The following HTR2A variants were observed in gnomAD, a reference collection of about 807,000 sequenced individuals.
HTR2A encodes the protein 5-HT2 receptor.
HTR2A carries 14 observed loss-of-function variants against 31.0 expected under a neutral mutation model. That is an observed-to-expected ratio of 0.45 (90% CI 0.30 to 0.71). The LOEUF (loss-of-function observed/expected upper bound fraction) is 0.71, where lower values mean the gene tolerates loss of function less well. Among genes scored for constraint, HTR2A ranks in the 30% least tolerant of loss-of-function variants. HTR2A has a pLI of 0.09. For synonymous variants in HTR2A, 209 were observed against 225.2 expected (o/e 0.93, Z 0.64); for missense variants, 442 against 573.3 (o/e 0.77, Z 2.34).
intron 3 of HTR2A, among the ~76,000 whole-genome samples, chr13:46,850,770 G>A (rs2138199011): frequency 6.6e-6 from 1 of 152,282 alleles, no homozygotes; most frequent in South Asian, 2.1e-4. Context: ...TGGGAAGACT[G>A]GCTATAGAAA....
At chr13:46,852,569 A>G (rs1950695244) in intron 3 of HTR2A, among the ~76,000 whole-genome samples, 1 of 152,238 alleles carries the variant, frequency 6.6e-6, no homozygotes, top group Admixed American at 6.5e-5. Flanking sequence ...TTAACTTCTA[A>G]GCTTTCCTAT....
In HTR2A at chr13:46,832,927, G is replaced by A. The variant is rs1225509455; in HGVS notation, c.*1910C>T. On this transcript the variant is annotated 3_prime_UTR_variant, in exon 4 of 4. Coordinates refer to ENST00000542664, the MANE Select transcript of HTR2A (RefSeq NM_000621.5). ...ATAACAACATGCAATTTAACCTTGA[G>A]TGTTATAATATCAAGGTGGATTAAC... 1 of 152,064 alleles carries A rather than the reference G, an allele frequency of 6.6e-6. No individual in the cohort carries two copies. Among genetic ancestry groups the A allele is most frequent in the African/African-American group, 2.4e-5 (1 of 41,402 alleles). The allele number at this position is 152,064 out of a possible 1,614,324, so 9.4% of individuals were successfully genotyped here.
chr13:46,852,558 G>T (rs527405640), intron 3 of HTR2A, among the ~76,000 whole-genome samples: 1 of 152,258 alleles, frequency 6.6e-6, no homozygotes, highest in Non-Finnish European at 1.5e-5. Flanking sequence ...AGACTGATGT[G>T]TTAACTTCTA....
chr13:46,871,479 G>A (rs1048323883), intron 3 of HTR2A, among the ~76,000 whole-genome samples: 5 of 152,100 alleles, frequency 3.3e-5, no homozygotes, highest in Non-Finnish European at 5.9e-5. Context: ...TAACTAATCA[G>A]TTTTCTACCC....
intron 3 of HTR2A, among the ~76,000 whole-genome samples, chr13:46,887,797 G>C (rs890378862): frequency 6.6e-6 from 1 of 151,498 alleles, no homozygotes; most frequent in Non-Finnish European, 1.5e-5. Flanking sequence ...AATAAAAGGA[G>C]AAAAATGTAC....
At chr13:46,854,780 G>A (rs1471272374) in intron 3 of HTR2A, among the ~76,000 whole-genome samples, 1 of 152,140 alleles carries the variant, frequency 6.6e-6, no homozygotes, top group Admixed American at 6.5e-5. Context: ...CTTTGGCCAG[G>A]AAATCACAGA....
Position 46,835,545 on chromosome 13 carries a change from C to T in HTR2A, c.708G>A (p.Leu236=), listed in dbSNP as rs759261795. 1.8e-5 allele frequency: 29 copies of T among 1,613,898 alleles called. No homozygotes were observed. Among genetic ancestry groups the T allele is most frequent in the Non-Finnish European group, 2.2e-5 (26 of 1,179,928 alleles). ...SCLLADDNFV[L]IGSFVSFFIP... ...TGAAAAATGACACAAAAGAGCCGATCAGGACAAAGTTATCATCGGCGAGTA... is the reference window on the plus strand; with the variant it reads ...TGAAAAATGACACAAAAGAGCCGATTAGGACAAAGTTATCATCGGCGAGTA... Residue 236 remains leucine, a synonymous_variant, in exon 4 of 4, where the codon CTG becomes CTA. Coordinates refer to ENST00000542664, the MANE Select transcript of HTR2A (RefSeq NM_000621.5).
At chr13:46,878,427 CT>C (rs1358636645) in intron 3 of HTR2A, among the ~76,000 whole-genome samples, 2 of 152,074 alleles carry the variant, frequency 1.3e-5, no homozygotes, top group Non-Finnish European at 2.9e-5. Context: ...TGGGGGACTT[CT>C]GGCTATAAGC....
chr13:46,865,434 C>A (rs1040387296), intron 3 of HTR2A, among the ~76,000 whole-genome samples: 2 of 17,462 alleles, frequency 1.1e-4, no homozygotes, highest in Admixed American at 6.2e-4. Flanking sequence ...AGTTCATCAA[C>A]AGAAAAGAAT....
chr13:46,895,198 T>A lies in HTR2A; in HGVS notation c.412+297A>T. 3.4e-6 allele frequency: 1 copy of A among 290,572 alleles called. No individual in the cohort carries two copies. The allele number at this position is 290,572 out of a possible 1,614,324, so 18.0% of individuals were successfully genotyped here. On this transcript the variant is annotated intron_variant, in intron 2 of 3. Coordinates refer to ENST00000542664, the MANE Select transcript of HTR2A (RefSeq NM_000621.5). This position sits in a 1 kb window ranked among gnomAD's most constrained non-coding sequence, Gnocchi z 4.4. ...GACTGTATGGGGTAATTTATAAAAA[T>A]TTCTACATTAAATGTACATGTTTTG...
chr13:46,850,603 C>T (rs1950676982), intron 3 of HTR2A, among the ~76,000 whole-genome samples: 1 of 152,188 alleles, frequency 6.6e-6, no homozygotes, highest in Non-Finnish European at 1.5e-5. Flanking sequence ...AGAGTTGCTG[C>T]TTCATTGCTG....
rs762264146 is a variant in HTR2A, at chr13:46,895,839, T to C, written c.68A>G (p.Asp23Gly). The change falls in exon 2 of 4, where the codon GAT becomes GGT. Residue 23 changes from aspartate to glycine, a missense_variant. This residue lies in a region of HTR2A where 83 missense variants were observed against 84.8 expected (regional missense o/e 0.98). Coordinates refer to ENST00000542664, the MANE Select transcript of HTR2A (RefSeq NM_000621.5). The surrounding 1 kb of genome is among the most constrained non-coding windows in gnomAD (Gnocchi z 4.4). ...GTCATTACTGTAGAGCCTGGTGTCA[T>C]CATTTAATTGCATTAGGGAGTTCGT... ...STTNSLMQLNDDTRLYSNDFN... is the reference protein window; with the variant it reads ...STTNSLMQLNGDTRLYSNDFN... The C allele has an allele frequency of 1.2e-6, 2 of 1,614,122 alleles. No homozygotes were observed. Among genetic ancestry groups the C allele is most frequent in the Non-Finnish European group, 1.7e-6 (2 of 1,180,006 alleles).
intron 3 of HTR2A, among the ~76,000 whole-genome samples, chr13:46,884,689 CTG>C (rs1950992404): frequency 6.6e-6 from 1 of 152,162 alleles, no homozygotes; most frequent in Middle Eastern, 3.4e-3. Context: ...CAAAACAAAA[CTG>C]TGACAAAACT....
chr13:46,843,596 T>G (rs941378777), intron 3 of HTR2A, among the ~76,000 whole-genome samples: 4 of 151,996 alleles, frequency 2.6e-5, no homozygotes, highest in African/African-American at 9.7e-5. Flanking sequence ...GGGATGCAGG[T>G]CTGAGGGAGG....
chr13:46,888,275 C>G (rs1330870483), intron 3 of HTR2A, among the ~76,000 whole-genome samples: 3 of 151,990 alleles, frequency 2.0e-5, no homozygotes, highest in Non-Finnish European at 2.9e-5. Flanking sequence ...ATACACCATG[C>G]AGGATAAAAA....
At chr13:46,854,863 T>C (rs188919788) in intron 3 of HTR2A, among the ~76,000 whole-genome samples, 1 of 152,338 alleles carries the variant, frequency 6.6e-6, no homozygotes, top group East Asian at 1.9e-4. Flanking sequence ...GTGATCTTAT[T>C]TGGAAATAGA....
intron 3 of HTR2A, among the ~76,000 whole-genome samples, chr13:46,872,682 A>G (rs1347857070): frequency 6.6e-6 from 1 of 152,190 alleles, no homozygotes; most frequent in Non-Finnish European, 1.5e-5. Flanking sequence ...CTGTTAGTTT[A>G]ATACCTTGCA....
intron 3 of HTR2A, chr13:46,856,174 G>A (rs1950735633): frequency 6.6e-6 from 1 of 152,154 alleles, no homozygotes; most frequent in Non-Finnish European, 1.5e-5. Flanking sequence ...TCTTTTGTAA[G>A]AGTACACAAT....
At chr13:46,845,011 CT>C (rs76929707) in intron 3 of HTR2A, among the ~76,000 whole-genome samples, 22,032 of 149,462 alleles carry the variant, frequency 0.15, 2,063 homozygotes, top group East Asian at 0.48. Flanking sequence ...TGTCTAAGAT[CT>C]TTTTTTTTTA....
Sources: gnomAD v4.1 joint callset for allele counts (sites outside exome capture counted in the v4.1 genomes callset) on GRCh38, gnomAD v4.1.1 for gene constraint, gnomAD v4.1.1 regional missense constraint, Gnocchi (gnomAD v3.1) non-coding constraint, MANE v1.5 for transcripts, NCBI Gene and HGNC (gene_info 2026-07-23, HGNC 2026-07-21) for gene names.